SCGB1D4: variants seen among roughly 807,000 people sequenced by gnomAD.
The protein encoded by SCGB1D4 is IFN-gamma inducible SCGB (IIS).
A neutral mutation model predicts 8.1 loss-of-function variants in SCGB1D4; 6 were observed. The ratio of observed to expected loss-of-function variants is 0.74; its 90% CI spans 0.40 to 1.45. The LOEUF (loss-of-function observed/expected upper bound fraction) is 1.45, where lower values mean the gene tolerates loss of function less well. SCGB1D4 is among the 40% of genes most tolerant of loss of function. The pLI, the probability that SCGB1D4 is intolerant of heterozygous loss-of-function variation, is 0.02. For synonymous variants in SCGB1D4, 34 were observed against 38.1 expected, an observed-to-expected ratio of 0.89 and a Z score of 0.39; for missense variants, 93 against 95.0, an observed-to-expected ratio of 0.98 and a Z score of 0.09.
chr11:62,296,580 G>T (rs1945443041), intron 2 of SCGB1D4, among the ~76,000 whole-genome samples, 161 bp from the exon 3 acceptor site: 1 of 152,214 alleles, frequency 6.6e-6, no homozygotes, highest in African/African-American at 2.4e-5. Flanking sequence ...CCTAGACCTG[G>T]TGGCCTTACA....
At position 62,296,292 on chromosome 11, in the gene SCGB1D4, T is replaced by G. The variant is rs1403647244; in HGVS notation, c.*118A>C. On this transcript the variant is annotated 3_prime_UTR_variant, in exon 3 of 3. Coordinates refer to ENST00000358585, the MANE Select transcript of SCGB1D4 (RefSeq NM_206998.2). ...GACCAGTGGAGATGTGCAGGGCAAG[T>G]GATTTATTAAAGCAACGTGTTGAAA... 8 of 904,216 alleles carry G rather than the reference T, an allele frequency of 8.8e-6. No homozygotes were observed. Among genetic ancestry groups the G allele is most frequent in the Non-Finnish European group, 1.1e-5 (6 of 538,766 alleles). The allele number at this position is 904,216 out of a possible 1,614,324, so 56.0% of individuals were successfully genotyped here.
intron 1 of SCGB1D4, 59 bp from the exon 2 acceptor site, chr11:62,297,717 C>A: frequency 7.1e-7 from 1 of 1,409,380 alleles, no homozygotes; most frequent in Non-Finnish European, 9.9e-7. Flanking sequence ...TCTCTCATGG[C>A]TCCCTGAGGT....
rs372973350 is a variant in SCGB1D4, at chr11:62,297,487, G to T, written c.227C>A (p.Ser76Ter). The T allele has an allele frequency of 1.9e-6, 3 of 1,610,366 alleles. No individual in the cohort carries two copies. In the African/African-American group the frequency reaches 4.0e-5, roughly 22 times the overall value. The change falls in exon 2 of 3, where the codon TCA becomes TAA. Residue 76 changes from serine (S) to a stop codon, truncating the protein, a stop_gained. Transcript: ENST00000358585. LOFTEE classifies it low-confidence loss of function (END_TRUNC). ...TDQISFKKRL[S>*]LKKSWWK Reference sequence around the variant, plus strand: ...AAGAAATTACCAGGACTTTTTCAATGAGAGTCGTTTCTTAAAAGATATCTG... The same window carrying T: ...AAGAAATTACCAGGACTTTTTCAATTAGAGTCGTTTCTTAAAAGATATCTG...
chr11:62,296,373 T>C lies in SCGB1D4; in HGVS notation c.*37A>G, dbSNP rs559130936. ...TCGTTGAAAGACTTTGGAAACCAGG[T>C]TGAGCATTTTTACATGTCACACACC... is the stretch of plus-strand genomic sequence containing the variant. On this transcript the variant is annotated 3_prime_UTR_variant, in exon 3 of 3. Coordinates refer to ENST00000358585, the MANE Select transcript of SCGB1D4 (RefSeq NM_206998.2). The C allele has an allele frequency of 2.1e-5, 33 of 1,599,746 alleles. No homozygotes were observed. In the South Asian group the frequency reaches 3.3e-4, roughly 16 times the overall value.
chr11:62,299,006 C>T lies in SCGB1D4; in HGVS notation c.5G>A (p.Arg2Lys). 1 of 1,613,716 alleles carries T rather than the reference C, an allele frequency of 6.2e-7. No homozygotes were observed. Among genetic ancestry groups the T allele is most frequent in the Non-Finnish European group, 8.5e-7 (1 of 1,179,808 alleles). Residue 2 changes from arginine (R) to lysine (K), a missense_variant, in exon 1 of 3, where the codon AGG becomes AAG. Arg to Lys is a conservative substitution (Grantham distance 26, BLOSUM62 2). Coordinates refer to ENST00000358585, the MANE Select transcript of SCGB1D4 (RefSeq NM_206998.2). ...GACCATCAGGAGACACACTGACAGC[C>T]TCATGGTGGCTTATTCGGCTGTGAG... is the stretch of plus-strand genomic sequence containing the variant. M[R>K]LSVCLLMVSL...
Position 62,299,035 on chromosome 11 carries a change from A to G in SCGB1D4, c.-25T>C, listed in dbSNP as rs1945467965. On this transcript the variant is annotated 5_prime_UTR_variant, in exon 1 of 3. Coordinates refer to ENST00000358585, the MANE Select transcript of SCGB1D4 (RefSeq NM_206998.2). ...TGGTGGCTTATTCGGCTGTGAGCTC[A>G]GCTTTCACAATGAGTGATTTGGATT... 1 of 1,610,790 alleles carries G rather than the reference A, an allele frequency of 6.2e-7. No homozygotes were observed. Among genetic ancestry groups the G allele is most frequent in the Non-Finnish European group, 8.5e-7 (1 of 1,178,148 alleles).
At chr11:62,296,544 C>A in intron 2 of SCGB1D4, 125 bp from the exon 3 acceptor site, 1 of 954,444 alleles carries the variant, frequency 1.0e-6, no homozygotes, top group Non-Finnish European at 1.6e-6. Context: ...AAGGCAGAGG[C>A]AAGAATTCAG....
rs543341422 is a variant in SCGB1D4 at position 62,298,876 on chromosome 11, A to G, written c.55+80T>C. 2.2e-5 allele frequency: 32 copies of G among 1,441,208 alleles called. No homozygotes were observed. In the African/African-American group the frequency reaches 3.7e-4, roughly 17 times the overall value. The allele number at this position is 1,441,208 out of a possible 1,614,324, so 89.3% of individuals were successfully genotyped here. On this transcript the variant is annotated intron_variant, in intron 1 of 2. Coordinates refer to ENST00000358585, the MANE Select transcript of SCGB1D4 (RefSeq NM_206998.2). Reference sequence around the variant, plus strand: ...TTTGGTTTTGTGCAGACCCCAACCCAAAGCACAAATAGGTGATCTTGTGCT... The same window carrying G: ...TTTGGTTTTGTGCAGACCCCAACCCGAAGCACAAATAGGTGATCTTGTGCT...
At chr11:62,297,160 C>T (rs143148917) in intron 2 of SCGB1D4, among the ~76,000 whole-genome samples, 2 of 152,176 alleles carry the variant, frequency 1.3e-5, no homozygotes, top group African/African-American at 2.4e-5. Context: ...TTCACCAGCA[C>T]CCTGTCTGTG....
Position 62,296,506 on chromosome 11 carries a change from A to G in SCGB1D4, c.243-87T>C, listed in dbSNP as rs1945442596. On this transcript the variant is annotated intron_variant, in intron 2 of 2. Coordinates refer to ENST00000358585, the MANE Select transcript of SCGB1D4 (RefSeq NM_206998.2). ...TGATAGGCTAACATCAAAGAGGCCA[A>G]TGGGATTTTGCCCCAATGGCAATTG... 7.1e-6 allele frequency: 10 copies of G among 1,399,114 alleles called. No individual in the cohort carries two copies. In the Admixed American group the frequency reaches 9.1e-5, roughly 13 times the overall value. The allele number at this position is 1,399,114 out of a possible 1,614,324, so 86.7% of individuals were successfully genotyped here. A position where few individuals can be genotyped will look rare whatever the true frequency, so the allele number is the denominator to read the frequency against.
At chr11:62,298,756 C>T (rs1368274983) in intron 1 of SCGB1D4, among the ~76,000 whole-genome samples, 200 bp downstream of exon 1, 1 of 102,308 alleles carries the variant, frequency 9.8e-6, no homozygotes, top group African/African-American at 3.6e-5. Flanking sequence ...CAAAACTTCT[C>T]AAAAAAAAAA....
In SCGB1D4 at chr11:62,298,936, C is replaced by T. The variant is rs370849484; in HGVS notation, c.55+20G>A. Reference sequence around the variant, plus strand: ...GTGCATCCCAGGGGCTGGTGCTGGACTCATGACTGATGTACTCACCCTGGT... The same window carrying T: ...GTGCATCCCAGGGGCTGGTGCTGGATTCATGACTGATGTACTCACCCTGGT... On this transcript the variant is annotated intron_variant, in intron 1 of 2. Coordinates refer to ENST00000358585, the MANE Select transcript of SCGB1D4 (RefSeq NM_206998.2). The T allele has an allele frequency of 2.5e-6, 4 of 1,613,166 alleles. No individual in the cohort carries two copies. The highest frequency in any genetic ancestry group is 3.4e-6 in the Non-Finnish European group (4 of 1,179,378).
Position 62,299,019 on chromosome 11 carries a change from AT to A in SCGB1D4, c.-10del, listed in dbSNP as rs748850746. 9.2e-5 allele frequency: 148 copies of A among 1,613,038 alleles called. No individual in the cohort carries two copies. The highest frequency in any genetic ancestry group is 1.4e-5 in the Non-Finnish European group (17 of 1,179,478). ...CACACTGACAGCCTCATGGTGGCTT[AT>A]TCGGCTGTGAGCTCAGCTTTCACAA... On this transcript the variant is annotated 5_prime_UTR_variant, in exon 1 of 3. Coordinates refer to ENST00000358585, the MANE Select transcript of SCGB1D4 (RefSeq NM_206998.2).
intron 1 of SCGB1D4, among the ~76,000 whole-genome samples, chr11:62,298,042 G>GTTT (rs1439132601): frequency 8.3e-6 from 1 of 119,788 alleles, no homozygotes; most frequent in African/African-American, 3.6e-5. Flanking sequence ...GTGTGTGTGT[G>GTTT]TGTGTTTTGT....
intron 1 of SCGB1D4, among the ~76,000 whole-genome samples, chr11:62,298,039 TGTGTGTGTTTTGTTTTG>T (rs1565139721): frequency 6.8e-5 from 10 of 147,022 alleles, no homozygotes; most frequent in African/African-American, 2.6e-4. Flanking sequence ...TGTGTGTGTG[TGTGTGTGTTTTGTTTTG>T]TTTTTTTTTT....
At chr11:62,297,370 CTGG>C in intron 2 of SCGB1D4, 99 bp downstream of exon 2, 2 of 967,154 alleles carry the variant, frequency 2.1e-6, no homozygotes, top group Non-Finnish European at 3.2e-6. Context: ...TCAGCACACT[CTGG>C]GGACACAGCA....
intron 2 of SCGB1D4, 109 bp downstream of exon 2, chr11:62,297,363 G>T: frequency 1.1e-6 from 1 of 904,500 alleles, no homozygotes; most frequent in Non-Finnish European, 1.7e-6. Context: ...CATGTCCTCA[G>T]CACACTCTGG....
At chr11:62,297,679 T>C (rs1945454064) in intron 1 of SCGB1D4, 21 bp from the exon 2 acceptor site, 2 of 1,604,826 alleles carry the variant, frequency 1.2e-6, no homozygotes, top group South Asian at 2.2e-5. Flanking sequence ...AAAATAAAAA[T>C]ATTGTTGATG....
intron 2 of SCGB1D4, among the ~76,000 whole-genome samples, chr11:62,296,724 C>T (rs1565139253): frequency 6.6e-6 from 1 of 152,204 alleles, no homozygotes; most frequent in Non-Finnish European, 1.5e-5. Flanking sequence ...GTTGTCTGGG[C>T]TGTCCCAGGT....
Sources: allele counts gnomAD v4.1 joint callset (sites outside exome capture counted in the v4.1 genomes callset), GRCh38; gene constraint gnomAD v4.1.1; transcripts MANE v1.5; gene names NCBI Gene and HGNC (gene_info 2026-07-23, HGNC 2026-07-21).